Variants in ARNT2 observed in about 807,000 individuals in gnomAD.
The protein encoded by ARNT2 is aryl hydrocarbon receptor nuclear translocator 2, also known as ARNT protein 2.
ARNT2 carries 36 observed loss-of-function variants against 91.7 expected under a neutral mutation model. That is an observed-to-expected ratio of 0.39 (90% CI 0.30 to 0.52). ARNT2 has a LOEUF of 0.52. Ranked by LOEUF, ARNT2 falls within the 20% of genes least tolerant of loss-of-function variation. ARNT2 has a pLI of 0.72. For missense variants in ARNT2, 775 were observed against 939.3 expected, an observed-to-expected ratio of 0.83 and a Z score of 2.29; for synonymous variants, 365 against 347.1, an observed-to-expected ratio of 1.05 and a Z score of -0.57.
At chr15:80,497,854 G>A (rs928916374) in intron 5 of ARNT2, among the ~76,000 whole-genome samples, 3 of 152,220 alleles carry the variant, frequency 2.0e-5, no homozygotes, top group African/African-American at 7.2e-5. Context: ...AGGAAGAAAG[G>A]CCTTCTCTCT....
intron 2 of ARNT2, among the ~76,000 whole-genome samples, chr15:80,456,452 G>A (rs1445643164): frequency 6.6e-6 from 1 of 152,118 alleles, no homozygotes; most frequent in South Asian, 2.1e-4. Flanking sequence ...GATCCCGTCA[G>A]GTCATTCCAA....
chr15:80,549,741 T>C (rs753341953), intron 8 of ARNT2, among the ~76,000 whole-genome samples: 1 of 152,194 alleles, frequency 6.6e-6, no homozygotes, highest in Admixed American at 6.5e-5. Flanking sequence ...AGACCTCCTA[T>C]ACATTCCTGG....
intron 15 of ARNT2, chr15:80,580,155 G>T (rs1898763986): frequency 2.1e-6 from 1 of 482,830 alleles, no homozygotes; most frequent in Non-Finnish European, 3.8e-6. Flanking sequence ...GGAGACCCTG[G>T]GGAGAACGAG....
intron 1 of ARNT2, among the ~76,000 whole-genome samples, chr15:80,440,868 C>T (rs563988013): frequency 2.0e-5 from 3 of 152,288 alleles, no homozygotes; most frequent in Non-Finnish European, 2.9e-5. Flanking sequence ...TGGTTAAAGC[C>T]GAGCATGGAT....
chr15:80,426,992 C>T (rs925792392), intron 1 of ARNT2, among the ~76,000 whole-genome samples: 2 of 152,140 alleles, frequency 1.3e-5, no homozygotes, highest in Non-Finnish European at 2.9e-5. Flanking sequence ...TCATTCATGA[C>T]CTCATATAAG....
At chr15:80,528,513 C>T (rs976250285) in intron 8 of ARNT2, among the ~76,000 whole-genome samples, 6 of 152,048 alleles carry the variant, frequency 3.9e-5, no homozygotes, top group Non-Finnish European at 7.4e-5. Flanking sequence ...TTTGTTTGCG[C>T]ACCCCCTGCC....
At chr15:80,427,695 G>C (rs543950459) in intron 1 of ARNT2, among the ~76,000 whole-genome samples, 1 of 152,202 alleles carries the variant, frequency 6.6e-6, no homozygotes, top group Non-Finnish European at 1.5e-5. Flanking sequence ...TAGTCACAGC[G>C]AGAATCCTTA....
chr15:80,485,917 C>A (rs917656445), intron 5 of ARNT2, among the ~76,000 whole-genome samples: 1 of 152,124 alleles, frequency 6.6e-6, no homozygotes, highest in Admixed American at 6.5e-5. Flanking sequence ...CTCTGGCTGC[C>A]GTAGTACATT....
At chr15:80,585,130 C>G (rs1006187175) in intron 17 of ARNT2, among the ~76,000 whole-genome samples, 4 of 152,228 alleles carry the variant, frequency 2.6e-5, no homozygotes, top group Admixed American at 1.3e-4. Flanking sequence ...TCTTCCATTT[C>G]AGACCTTTCA....
chr15:80,588,493 C>T (rs887087966), intron 17 of ARNT2, among the ~76,000 whole-genome samples: 1 of 152,104 alleles, frequency 6.6e-6, no homozygotes, highest in African/African-American at 2.4e-5. Context: ...TAAAAACCTT[C>T]AGTGTTTCTC....
intron 17 of ARNT2, among the ~76,000 whole-genome samples, chr15:80,587,308 G>A (rs117677249): frequency 0.029 from 4,336 of 151,230 alleles, 104 homozygotes; most frequent in Admixed American, 0.06. Context: ...CCTTATAGGG[G>A]GTTCAGCAGC....
intron 17 of ARNT2, among the ~76,000 whole-genome samples, chr15:80,583,052 G>A (rs771287228): frequency 2.6e-5 from 4 of 152,290 alleles, no homozygotes; most frequent in South Asian, 2.1e-4. Context: ...GCCAGGCCCC[G>A]AATCAGCCCT....
chr15:80,492,649 T>G (rs539855087), intron 5 of ARNT2, among the ~76,000 whole-genome samples: 1 of 152,304 alleles, frequency 6.6e-6, no homozygotes, highest in South Asian at 2.1e-4. Flanking sequence ...CTTAGCCTTT[T>G]GCATATTATA....
chr15:80,516,343 T>A (rs1040474580), intron 8 of ARNT2, among the ~76,000 whole-genome samples: 3 of 152,198 alleles, frequency 2.0e-5, no homozygotes, highest in African/African-American at 4.8e-5. Context: ...TAGGTCTTTT[T>A]TTGCGTCACG....
chr15:80,576,691 TC>T (rs1460132995), intron 14 of ARNT2, among the ~76,000 whole-genome samples, 174 bp from the exon 15 acceptor site: 1 of 152,138 alleles, frequency 6.6e-6, no homozygotes, highest in East Asian at 1.9e-4. Flanking sequence ...CCAGGGAGGC[TC>T]CAGGGGAGAT....
intron 11 of ARNT2, among the ~76,000 whole-genome samples, chr15:80,560,520 G>T (rs143940032): frequency 6.6e-6 from 1 of 152,096 alleles, no homozygotes; most frequent in Non-Finnish European, 1.5e-5. Flanking sequence ...CCTTTCCCCA[G>T]CTCCTAAGGT....
At chr15:80,466,374 G>T (rs961502697) in intron 3 of ARNT2, among the ~76,000 whole-genome samples, 2 of 152,232 alleles carry the variant, frequency 1.3e-5, no homozygotes, top group African/African-American at 4.8e-5. Flanking sequence ...CACAGCAGAG[G>T]TGTCTTTGAA....
chr15:80,522,495 T>C (rs1028763790), intron 8 of ARNT2, among the ~76,000 whole-genome samples: 1 of 152,162 alleles, frequency 6.6e-6, no homozygotes, highest in Middle Eastern at 3.2e-3. Context: ...CATCATGGCG[T>C]GCACTTAAAC....
chr15:80,525,514 G>C (rs1290542993), intron 8 of ARNT2, among the ~76,000 whole-genome samples: 1 of 151,952 alleles, frequency 6.6e-6, no homozygotes, highest in Non-Finnish European at 1.5e-5. Context: ...AGACTGGTTG[G>C]ATGGATGGAC....
Sources: allele counts gnomAD v4.1 joint callset (sites outside exome capture counted in the v4.1 genomes callset), GRCh38; gene constraint gnomAD v4.1.1; transcripts MANE v1.5; gene names NCBI Gene and HGNC (gene_info 2026-07-23, HGNC 2026-07-21).